SHISA4: variants seen among roughly 807,000 people sequenced by gnomAD.
SHISA4 encodes shisa family member 4.
In SHISA4, 16 loss-of-function variants were observed where a neutral mutation model predicts 24.2. That is an observed-to-expected ratio of 0.66 (90% CI 0.45 to 1.00). The LOEUF is 1.00. Ranked by LOEUF, SHISA4 falls within the 50% of genes least tolerant of loss-of-function variation. SHISA4 has a pLI of 0.00. For missense variants in SHISA4, 238 were observed against 258.9 expected (o/e 0.92, Z 0.55); for synonymous variants, 106 against 105.4 (o/e 1.01, Z -0.04).
rs72742098 is a variant in SHISA4 at position 201,892,087 on chromosome 1, G to A, written c.*241G>A. The stretch of plus-strand genomic sequence containing the variant: ...ATGGGCTATTTTTACTGGGGGCAAG[G>A]GAGGGAGATGACAGCCTGGGTCACA... On this transcript the variant is annotated 3_prime_UTR_variant, in exon 5 of 5. Coordinates refer to ENST00000362011, the MANE Select transcript of SHISA4 (RefSeq NM_198149.3). 8.0e-5 allele frequency: 43 copies of A among 540,782 alleles called. No individual in the cohort carries two copies. Among genetic ancestry groups the A allele is most frequent in the Admixed American group, 1.3e-4 (4 of 31,136 alleles). 33.5% of individuals were successfully genotyped at this position (540,782 alleles called of 1,614,324 possible).
At chr1:201,891,763 C>T in intron 4 of SHISA4, 37 bp from the exon 5 acceptor site, 4 of 1,612,814 alleles carry the variant, frequency 2.5e-6, no homozygotes, top group Non-Finnish European at 3.4e-6. Context: ...TCCACCTATG[C>T]CACCACTCAC....
chr1:201,888,903 C>T lies in SHISA4; in HGVS notation c.-92C>T, dbSNP rs990686421. 4.6e-6 allele frequency: 4 copies of T among 871,736 alleles called. No homozygotes were observed. Among genetic ancestry groups the T allele is most frequent in the Non-Finnish European group, 6.2e-6 (4 of 644,966 alleles). 54.0% of individuals were successfully genotyped at this position (871,736 alleles called of 1,614,324 possible). A position where few individuals can be genotyped will look rare whatever the true frequency, so the allele number is the denominator to read the frequency against. On this transcript the variant is annotated 5_prime_UTR_variant, in exon 1 of 5. Coordinates refer to ENST00000362011, the MANE Select transcript of SHISA4 (RefSeq NM_198149.3). The stretch of plus-strand genomic sequence containing the variant: ...CGGAAGAGGAGCCCGAGCCTGGCCG[C>T]GGGCTGGGCCCCGCCGCAGCTCCAG...
At position 201,892,083 on chromosome 1, in the gene SHISA4, C is replaced by T; in HGVS notation, c.*237C>T. The T allele has an allele frequency of 1.8e-6, 1 of 547,112 alleles. No individual in the cohort carries two copies. Among genetic ancestry groups the T allele is most frequent in the Non-Finnish European group, 3.3e-6 (1 of 305,568 alleles). The allele number at this position is 547,112 out of a possible 1,614,324, so 33.9% of individuals were successfully genotyped here. A position where few individuals can be genotyped will look rare whatever the true frequency, so the allele number is the denominator to read the frequency against. Reference sequence around the variant, plus strand: ...AATTATGGGCTATTTTTACTGGGGGCAAGGGAGGGAGATGACAGCCTGGGT... The same window carrying T: ...AATTATGGGCTATTTTTACTGGGGGTAAGGGAGGGAGATGACAGCCTGGGT... On this transcript the variant is annotated 3_prime_UTR_variant, in exon 5 of 5. Coordinates refer to ENST00000362011, the MANE Select transcript of SHISA4 (RefSeq NM_198149.3).
chr1:201,892,044 G>C lies in SHISA4; in HGVS notation c.*198G>C, dbSNP rs553974867. The C allele has an allele frequency of 1.6e-4, 101 of 624,914 alleles. No homozygotes were observed. Among genetic ancestry groups the C allele is most frequent in the Middle Eastern group, 7.5e-4 (2 of 2,666 alleles). 38.7% of individuals were successfully genotyped at this position (624,914 alleles called of 1,614,324 possible). A position where few individuals can be genotyped will look rare whatever the true frequency, so the allele number is the denominator to read the frequency against. ...GCTGAACTAGAACTATGAGGGGTTGGGGGGAGGGCTTGGAATTATGGGCTA... is the reference window on the plus strand; with the variant it reads ...GCTGAACTAGAACTATGAGGGGTTGCGGGGAGGGCTTGGAATTATGGGCTA... On this transcript the variant is annotated 3_prime_UTR_variant, in exon 5 of 5. Coordinates refer to ENST00000362011, the MANE Select transcript of SHISA4 (RefSeq NM_198149.3).
intron 3 of SHISA4, among the ~76,000 whole-genome samples, chr1:201,891,045 GAGGGA>G (rs1205697582): frequency 6.6e-6 from 1 of 152,206 alleles, no homozygotes; most frequent in Non-Finnish European, 1.5e-5. Flanking sequence ...ATCAGTGTGG[GAGGGA>G]AGGGCTAGGA....
At position 201,892,575 on chromosome 1, in the gene SHISA4, G is replaced by C. The variant is rs1291114855; in HGVS notation, c.*729G>C. On this transcript the variant is annotated 3_prime_UTR_variant, in exon 5 of 5. Coordinates refer to ENST00000362011, the MANE Select transcript of SHISA4 (RefSeq NM_198149.3). ...AGATATTCCCTGCTAGGGATCAACA[G>C]CTCTACAACAGCTGAGGCACTGCTA... Among the ~76,000 whole-genome samples the C allele has an allele frequency of 1.3e-5, 2 of 152,174 alleles. No individual in the cohort carries two copies. The highest frequency in any genetic ancestry group is 2.9e-5 in the Non-Finnish European group (2 of 68,040).
At chr1:201,888,883 G>T, upstream of SHISA4, 1 of 644,442 alleles carries the variant, frequency 1.6e-6, no homozygotes, top group Non-Finnish European at 2.3e-6. Flanking sequence ...GGAGGCGGAA[G>T]AGGAGCCCGA....
chr1:201,891,263 G>A, intron 3 of SHISA4, 138 bp from the exon 4 acceptor site: 1 of 954,104 alleles, frequency 1.0e-6, no homozygotes, highest in Non-Finnish European at 1.6e-6. Context: ...TGCCAAGCAG[G>A]GTGTGGGAGG....
upstream of SHISA4, chr1:201,888,879 G>A (rs939432926): frequency 7.6e-5 from 47 of 619,770 alleles, no homozygotes; most frequent in African/African-American, 7.5e-4. Flanking sequence ...CAGAGGAGGC[G>A]GAAGAGGAGC....
At position 201,890,557 on chromosome 1, in the gene SHISA4, C is replaced by T. The variant is rs773392904; in HGVS notation, c.349C>T (p.Arg117Trp). 1.5e-5 allele frequency: 25 copies of T among 1,614,130 alleles called. No individual in the cohort carries two copies. Among genetic ancestry groups the T allele is most frequent in the Admixed American group, 6.7e-5 (4 of 60,014 alleles). The stretch of plus-strand genomic sequence containing the variant: ...CTGTTCCTGTTGCTACCTGTACCGC[C>T]GGCGCCAGCAGCTCCAGAGCCCATT... Reference protein sequence around the residue: ...FLCSCCYLYRRRQQLQSPFEG... With the variant: ...FLCSCCYLYRWRQQLQSPFEG... Residue 117 changes from arginine to tryptophan, a missense_variant, in exon 3 of 5, where the codon CGG becomes TGG. By Grantham distance (101) the Arg-to-Trp change is moderately radical. Transcript: ENST00000362011.
chr1:201,892,156 A>C lies in SHISA4; in HGVS notation c.*310A>C. On this transcript the variant is annotated 3_prime_UTR_variant, in exon 5 of 5. Transcript: ENST00000362011. ...TCCCTCTGCTCCCAAGATCCCAGCCAGGAAGGCTGGGGCCCTACTGTTTGT... is the reference window on the plus strand; with the variant it reads ...TCCCTCTGCTCCCAAGATCCCAGCCCGGAAGGCTGGGGCCCTACTGTTTGT... 3.4e-6 allele frequency: 1 copy of C among 291,130 alleles called. No homozygotes were observed. The highest frequency in any genetic ancestry group is 6.1e-6 in the Non-Finnish European group (1 of 163,234). 18.0% of individuals were successfully genotyped at this position (291,130 alleles called of 1,614,324 possible). A position where few individuals can be genotyped will look rare whatever the true frequency, so the allele number is the denominator to read the frequency against.
At chr1:201,889,148 G>C in intron 1 of SHISA4, 81 bp downstream of exon 1, 3 of 1,303,296 alleles carry the variant, frequency 2.3e-6, no homozygotes, top group Non-Finnish European at 2.1e-6. Flanking sequence ...GCTTGGGCTC[G>C]GGGCTTCTCC....
In SHISA4 at chr1:201,889,025, C is replaced by T. The variant is rs1681039274; in HGVS notation, c.31C>T (p.Pro11Ser). Residue 11 changes from proline to serine, a missense_variant, in exon 1 of 5, where the codon CCG (proline) becomes TCG (serine). Pro to Ser is a moderately conservative substitution (Grantham distance 74, BLOSUM62 -1). Transcript: ENST00000362011. ...ACCCGCGGGGCTCCGCCGGGCCGCG[C>T]CGCTCACCGCAATCGCTCTGTTGGT... Reference protein sequence around the residue: MPPAGLRRAAPLTAIALLVLG... With the variant: MPPAGLRRAASLTAIALLVLG... The T allele has an allele frequency of 7.2e-7, 1 of 1,380,756 alleles. No individual in the cohort carries two copies. The highest frequency in any genetic ancestry group is 9.4e-7 in the Non-Finnish European group (1 of 1,067,796). 85.5% of individuals were successfully genotyped at this position (1,380,756 alleles called of 1,614,324 possible).
chr1:201,889,467 G>C lies in SHISA4; in HGVS notation c.96G>C (p.Leu32=), dbSNP rs1681050773. The change falls in exon 2 of 5, where the codon CTG becomes CTC. Residue 32 remains leucine (L), a synonymous_variant. Coordinates refer to ENST00000362011, the MANE Select transcript of SHISA4 (RefSeq NM_198149.3). ...CAGTGCTGGCCGGCGAGGACTGCCT[G>C]TGGTACCTGGACCGGAATGGCTCCT... ...APLVLAGEDC[L]WYLDRNGSWH... The C allele has an allele frequency of 6.2e-7, 1 of 1,613,524 alleles. No homozygotes were observed. The highest frequency in any genetic ancestry group is 8.5e-7 in the Non-Finnish European group (1 of 1,180,032).
chr1:201,891,803 C>T lies in SHISA4; in HGVS notation c.551C>T (p.Pro184Leu), dbSNP rs774851756. ...ATCCTGTCTCTTTGGCTTTCAGCTC[C>T]TCCTCCCTATATGCCACCACAGCCC... Reference protein sequence around the residue: ...AGPPVYNPAAPPPYMPPQPSY... With the variant: ...AGPPVYNPAALPPYMPPQPSY... The change falls in exon 5 of 5, where the codon CCT becomes CTT. Residue 184 changes from proline (P) to leucine (L), a missense_variant. Coordinates refer to ENST00000362011, the MANE Select transcript of SHISA4 (RefSeq NM_198149.3). The T allele has an allele frequency of 1.9e-6, 3 of 1,613,992 alleles. No homozygotes were observed. The highest frequency in any genetic ancestry group is 4.5e-5 in the East Asian group (2 of 44,886).
chr1:201,891,563 C>G lies in SHISA4; in HGVS notation c.542C>G (p.Pro181Arg). ...CCAGCTGGGCCCCCAGTCTACAACC[C>G]TGCAGGTAAGTAAGCAATCTGGAGC... ...LYPAGPPVYN[P>R]AAPPPYMPPQ... The change falls in exon 4 of 5, where the codon CCT becomes CGT. Residue 181 changes from proline to arginine, a missense_variant. Transcript: ENST00000362011. The G allele has an allele frequency of 1.9e-6, 3 of 1,609,314 alleles. No homozygotes were observed. Among genetic ancestry groups the G allele is most frequent in the Non-Finnish European group, 2.5e-6 (3 of 1,177,300 alleles).
At chr1:201,888,783 T>G, upstream of SHISA4, 1 of 376,046 alleles carries the variant, frequency 2.7e-6, no homozygotes. Flanking sequence ...AGAGGCTAGG[T>G]GGGCGTCGCT....
At chr1:201,889,367 G>A (rs1242539709) in intron 1 of SHISA4, 78 bp from the exon 2 acceptor site, 5 of 1,576,924 alleles carry the variant, frequency 3.2e-6, no homozygotes, top group South Asian at 1.1e-5. Flanking sequence ...GCTGGGGACC[G>A]CCGGGGGAGT....
chr1:201,888,984 C>G lies in SHISA4; in HGVS notation c.-11C>G. On this transcript the variant is annotated 5_prime_UTR_variant, in exon 1 of 5. Coordinates refer to ENST00000362011, the MANE Select transcript of SHISA4 (RefSeq NM_198149.3). ...TGGGAGGCCCGACCCCGGCCGCGCCCAGCCCCCACCATGCCACCCGCGGGG... is the reference window on the plus strand; with the variant it reads ...TGGGAGGCCCGACCCCGGCCGCGCCGAGCCCCCACCATGCCACCCGCGGGG... The G allele has an allele frequency of 7.2e-7, 1 of 1,389,480 alleles. No homozygotes were observed. The highest frequency in any genetic ancestry group is 9.3e-7 in the Non-Finnish European group (1 of 1,070,176). 86.1% of individuals were successfully genotyped at this position (1,389,480 alleles called of 1,614,324 possible).
Sources: gnomAD v4.1 joint callset for allele counts (sites outside exome capture counted in the v4.1 genomes callset) on GRCh38, gnomAD v4.1.1 for gene constraint, MANE v1.5 for transcripts, NCBI Gene and HGNC (gene_info 2026-07-23, HGNC 2026-07-21) for gene names.